Variants in MECOM observed in about 807,000 individuals in gnomAD.
MECOM encodes the protein histone-lysine N-methyltransferase MECOM.
MECOM carries 13 observed loss-of-function variants against 116.3 expected under a neutral mutation model. That is an observed-to-expected ratio of 0.11 (90% CI 0.07 to 0.18). The LOEUF (loss-of-function observed/expected upper bound fraction) is 0.18, where lower values mean the gene tolerates loss of function less well. Ranked by LOEUF, MECOM falls within the 10% of genes least tolerant of loss-of-function variation. The pLI is 1.00. For missense variants in MECOM, 1,299 were observed against 1,509.0 expected (o/e 0.86, Z 2.31); for synonymous variants, 528 against 535.2 (o/e 0.99, Z 0.19).
intron 2 of MECOM, among the ~76,000 whole-genome samples, chr3:169,311,890 G>A (rs974152282): frequency 1.3e-5 from 2 of 152,126 alleles, no homozygotes; most frequent in African/African-American, 4.8e-5. Flanking sequence ...GGTTTAAGAT[G>A]CAATGTTCAC....
chr3:169,414,984 T>C (rs1376534175), intron 1 of MECOM, among the ~76,000 whole-genome samples: 1 of 152,180 alleles, frequency 6.6e-6, no homozygotes, highest in Non-Finnish European at 1.5e-5. Context: ...GGAGAACTTC[T>C]GCAACCTAGC....
At chr3:169,551,913 T>C (rs767335646) in intron 1 of MECOM, among the ~76,000 whole-genome samples, 20 of 152,136 alleles carry the variant, frequency 1.3e-4, no homozygotes, top group African/African-American at 2.4e-4. Context: ...GCAATATGGA[T>C]GAATCTTGAA....
chr3:169,169,718 T>A (rs1744122638), intron 2 of MECOM, among the ~76,000 whole-genome samples: 1 of 152,200 alleles, frequency 6.6e-6, no homozygotes. Flanking sequence ...TTAGTTTCCC[T>A]GAACTACTTC....
At chr3:169,350,823 A>G (rs970337062) in intron 2 of MECOM, among the ~76,000 whole-genome samples, 4 of 151,864 alleles carry the variant, frequency 2.6e-5, no homozygotes, top group Non-Finnish European at 5.9e-5. Flanking sequence ...TAAAGTGGAA[A>G]GACTCTGAAA....
chr3:169,121,370 T>C (rs1033012058), intron 6 of MECOM, among the ~76,000 whole-genome samples, 161 bp from the exon 7 acceptor site: 1 of 152,218 alleles, frequency 6.6e-6, no homozygotes, highest in African/African-American at 2.4e-5. Context: ...TGTACTCTCC[T>C]CTAGGGTAGG....
intron 1 of MECOM, among the ~76,000 whole-genome samples, chr3:169,609,677 G>A (rs988291793): frequency 2.6e-5 from 4 of 152,142 alleles, no homozygotes; most frequent in South Asian, 2.1e-4. Context: ...AACACTATTC[G>A]TTTTCTTTTG....
chr3:169,605,042 C>T (rs1387258588), intron 1 of MECOM, among the ~76,000 whole-genome samples: 1 of 152,080 alleles, frequency 6.6e-6, no homozygotes, highest in African/African-American at 2.4e-5. Context: ...TTAAGAAACA[C>T]ATACAAATTC....
chr3:169,188,509 CT>C (rs1378696570), intron 2 of MECOM, among the ~76,000 whole-genome samples: 5 of 151,944 alleles, frequency 3.3e-5, no homozygotes, highest in Non-Finnish European at 7.4e-5. Flanking sequence ...AATTACAGGT[CT>C]TTGTCTTAAT....
intron 1 of MECOM, among the ~76,000 whole-genome samples, chr3:169,524,377 A>G (rs1757730471): frequency 1.3e-5 from 2 of 152,140 alleles, no homozygotes; most frequent in Admixed American, 1.3e-4. Flanking sequence ...TCTGTCAATC[A>G]CTACACTAAA....
At chr3:169,498,297 A>G (rs955017246) in intron 1 of MECOM, among the ~76,000 whole-genome samples, 2 of 152,352 alleles carry the variant, frequency 1.3e-5, no homozygotes, top group Non-Finnish European at 2.9e-5. Context: ...AACAGACCAA[A>G]ATGGCAGTGT....
intron 2 of MECOM, chr3:169,146,147 A>T: frequency 1.1e-6 from 1 of 926,602 alleles, no homozygotes; most frequent in Non-Finnish European, 1.4e-6. Context: ...ATAGCTTAAA[A>T]AAAAACCGTT....
intron 1 of MECOM, among the ~76,000 whole-genome samples, chr3:169,602,171 A>C (rs1184821675): frequency 6.6e-6 from 1 of 152,218 alleles, no homozygotes; most frequent in African/African-American, 2.4e-5. Flanking sequence ...AAGTAAAAAA[A>C]CTTATGTATC....
rs1238108186 is a variant in MECOM at position 169,127,934 on chromosome 3, T to C, written c.740A>G (p.Gln247Arg). 1 of 1,614,000 alleles carries C rather than the reference T, an allele frequency of 6.2e-7. No homozygotes were observed. Among genetic ancestry groups the C allele is most frequent in the Non-Finnish European group, 8.5e-7 (1 of 1,179,958 alleles). The part of the protein sequence containing the change: ...SAFSMVEEDF[Q>R]QKLESENDLQ... The stretch of plus-strand genomic sequence containing the variant: ...ATCATTCTCGCTTTCGAGTTTTTGC[T>C]GAAAGTCCTCTTCAACCATTGAAAA... Residue 247 changes from glutamine to arginine, a missense_variant, in exon 5 of 17, where the codon CAG becomes CGG. Around this residue, in one of 6 missense-constraint regions of MECOM, gnomAD observed 374 missense variants for 433.4 expected, o/e 0.86. Coordinates refer to ENST00000651503, the MANE Select transcript of MECOM (RefSeq NM_004991.4).
chr3:169,333,941 G>T (rs1430522378), intron 2 of MECOM, among the ~76,000 whole-genome samples: 1 of 123,734 alleles, frequency 8.1e-6, no homozygotes, highest in Non-Finnish European at 1.6e-5. Flanking sequence ...TGTCTTTAAA[G>T]CATAAGAGCA....
intron 2 of MECOM, among the ~76,000 whole-genome samples, chr3:169,269,407 C>G (rs1465779940): frequency 1.3e-5 from 2 of 151,922 alleles, no homozygotes; most frequent in East Asian, 1.9e-4. Context: ...ATAGAAACCA[C>G]CTATTTAAAA....
chr3:169,524,710 A>G lies in MECOM; in HGVS notation c.37+138626T>C, dbSNP rs16853954. Among the ~76,000 whole-genome samples, 2,657 of 152,300 alleles carry G rather than the reference A, an allele frequency of 0.017. 235 individuals carry two copies. The East Asian group carries it at 0.3, about 17-fold the overall frequency. On this transcript the variant is annotated intron_variant, in intron 1 of 16. Transcript: ENST00000651503. ...AGGGTAAGTGGTGGAGTAATTGCTCATGGCCTCTCTTGCTTTAATTTGGAC... is the reference window on the plus strand; with the variant it reads ...AGGGTAAGTGGTGGAGTAATTGCTCGTGGCCTCTCTTGCTTTAATTTGGAC...
intron 1 of MECOM, among the ~76,000 whole-genome samples, chr3:169,639,590 T>A (rs1354373347): frequency 6.6e-6 from 1 of 152,228 alleles, no homozygotes; most frequent in African/African-American, 2.4e-5. Flanking sequence ...ATTCCCTTAA[T>A]TTTTAAGCCA....
chr3:169,598,671 G>A (rs539120679), intron 1 of MECOM, among the ~76,000 whole-genome samples: 2 of 152,146 alleles, frequency 1.3e-5, no homozygotes, highest in South Asian at 2.1e-4. Context: ...GATACTTTTC[G>A]TCTGAGTGTA....
At chr3:169,492,869 A>G (rs1320715073) in intron 1 of MECOM, among the ~76,000 whole-genome samples, 1 of 152,138 alleles carries the variant, frequency 6.6e-6, no homozygotes, top group Non-Finnish European at 1.5e-5. Flanking sequence ...CTGAGGCAGG[A>G]GAATTGCTTG....
Sources: allele counts gnomAD v4.1 joint callset (sites outside exome capture counted in the v4.1 genomes callset), GRCh38; gene constraint gnomAD v4.1.1; regional missense constraint gnomAD v4.1.1; transcripts MANE v1.5; gene names NCBI Gene and HGNC (gene_info 2026-07-23, HGNC 2026-07-21).